GLIS3: variants seen among roughly 807,000 people sequenced by gnomAD.
GLIS3 encodes the protein zinc finger protein GLIS3.
GLIS3 carries 53 observed loss-of-function variants against 78.6 expected under a neutral mutation model. That is an observed-to-expected ratio of 0.67 (90% CI 0.54 to 0.85). The LOEUF is 0.85. Ranked by LOEUF, GLIS3 falls within the 40% of genes least tolerant of loss-of-function variation. The probability of loss-of-function intolerance (pLI) is 0.00; values close to 1 mark genes in which losing one functional copy is unlikely to be tolerated. For missense variants in GLIS3, 1,703 were observed against 1,231.1 expected (o/e 1.38, Z -5.74); for synonymous variants, 684 against 509.9 (o/e 1.34, Z -4.60).
chr9:4,088,340 C>T (rs1388207497), intron 4 of GLIS3, among the ~76,000 whole-genome samples: 1 of 152,142 alleles, frequency 6.6e-6, no homozygotes, highest in East Asian at 1.9e-4. Flanking sequence ...TATGCTTAGG[C>T]TAATAATTAT....
intron 2 of GLIS3, among the ~76,000 whole-genome samples, chr9:4,274,140 T>C (rs1008780510): frequency 1.3e-5 from 2 of 152,136 alleles, no homozygotes; most frequent in East Asian, 1.9e-4. Context: ...AAGGTCACCA[T>C]AGTGGTAAAG....
At chr9:3,958,159 A>G (rs10974260) in intron 4 of GLIS3, among the ~76,000 whole-genome samples, 22,363 of 152,114 alleles carry the variant, frequency 0.15, 1,960 homozygotes, top group East Asian at 0.37. Context: ...TGCCATACAC[A>G]ACTACCAAGC....
chr9:3,982,037 G>C (rs1190866211), intron 4 of GLIS3, among the ~76,000 whole-genome samples: 1 of 152,084 alleles, frequency 6.6e-6, no homozygotes, highest in African/African-American at 2.4e-5. Context: ...GGATTGGCCT[G>C]TCTAATTCCA....
At chr9:4,425,034 G>A in the GLIS3 span, among the ~76,000 whole-genome samples, 1 of 152,010 alleles carries the variant, frequency 6.6e-6, no homozygotes, top group Non-Finnish European at 1.5e-5. Context: ...CTTCCTCTGT[G>A]CTGGCATATG....
At chr9:4,230,705 T>C (rs1446880101) in intron 2 of GLIS3, among the ~76,000 whole-genome samples, 1 of 152,060 alleles carries the variant, frequency 6.6e-6, no homozygotes, top group African/African-American at 2.4e-5. Context: ...AAAGTAACTG[T>C]GAAACTACAA....
At position 4,032,949 on chromosome 9, in the gene GLIS3, G is replaced by A. The variant is rs1355540747; in HGVS notation, c.1710+84819C>T. 2.6e-5 allele frequency among the ~76,000 whole-genome samples: 4 copies of A among 152,116 alleles called. No homozygotes were observed. In the South Asian group the frequency reaches 8.3e-4, roughly 32 times the overall value. Reference sequence around the variant, plus strand: ...GCTCACTGCAAGCTCCGCCTCCCGGGTTCACACCATTCTGCTGCCTCAGCC... The same window carrying A: ...GCTCACTGCAAGCTCCGCCTCCCGGATTCACACCATTCTGCTGCCTCAGCC... On this transcript the variant is annotated intron_variant, in intron 4 of 10. Transcript: ENST00000381971.
chr9:3,867,318 A>G (rs564512807), intron 8 of GLIS3, among the ~76,000 whole-genome samples: 1 of 152,352 alleles, frequency 6.6e-6, no homozygotes, highest in African/African-American at 2.4e-5. Flanking sequence ...GAAAGCAACC[A>G]ATGTCATCTA....
chr9:4,345,330 C>T (rs1171042378), intron 2 of GLIS3, among the ~76,000 whole-genome samples: 1 of 152,206 alleles, frequency 6.6e-6, no homozygotes, highest in Non-Finnish European at 1.5e-5. Flanking sequence ...AATGACCCCA[C>T]TTAATCCCTC....
chr9:4,102,694 T>C (rs79482703), intron 4 of GLIS3, among the ~76,000 whole-genome samples: 2,173 of 152,296 alleles, frequency 0.014, 27 homozygotes, highest in African/African-American at 0.018. Flanking sequence ...TATATCTTAC[T>C]AGAGAATATA....
chr9:4,118,101 T>A lies in GLIS3; in HGVS notation c.1377A>T (p.Pro459=). The change falls in exon 4 of 11, where the codon CCA becomes CCT. Residue 459 remains proline (P), a synonymous_variant. Transcript: ENST00000381971. This position sits in a 1 kb window ranked among gnomAD's most constrained non-coding sequence, Gnocchi z 4.7. ...LPPLPPPPGP[P]PPYHAHAHLH... is the part of the protein sequence containing the mutation. ...GGTGCGCATGGGCATGGTAAGGGGG[T>A]GGGGGGCCTGGGGGCGGCGGCAGAG... is the stretch of plus-strand genomic sequence containing the variant. 3.1e-6 allele frequency: 3 copies of A among 962,298 alleles called. No homozygotes were observed. Among genetic ancestry groups the A allele is most frequent in the Non-Finnish European group, 2.9e-6 (2 of 684,634 alleles). 59.6% of individuals were successfully genotyped at this position (962,298 alleles called of 1,614,324 possible). A position where few individuals can be genotyped will look rare whatever the true frequency, so the allele number is the denominator to read the frequency against.
At chr9:4,123,435 G>A (rs999464075) in intron 3 of GLIS3, among the ~76,000 whole-genome samples, 1 of 152,004 alleles carries the variant, frequency 6.6e-6, no homozygotes, top group Admixed American at 6.6e-5. Flanking sequence ...CTAATAATCA[G>A]AATTGTGCAA....
In GLIS3 at chr9:3,915,504, A is replaced by C. The variant is rs12349512; in HGVS notation, c.1984-16669T>G. 2.0e-3 allele frequency among the ~76,000 whole-genome samples: 298 copies of C among 152,250 alleles called. 2 individuals are homozygous for C. The highest frequency in any genetic ancestry group is 7.0e-3 in the African/African-American group (289 of 41,550). On this transcript the variant is annotated intron_variant, in intron 6 of 10. Transcript: ENST00000381971. ...CAGGAACAGGTATTATCAGCCTTGC[A>C]TGTTGTCCTCTAAGTTAGAGGACTG...
chr9:3,828,378 A>G lies in GLIS3; in HGVS notation c.2687T>C (p.Leu896Pro), dbSNP rs548436324. The part of the protein sequence containing the change: ...VYDLPSSSSS[L>P]FGESLRSGAE... ...CCCGCTGCGGAGAGACTCCCCAAAG[A>G]GGCTCGAGGAACTTGAAGGTAAATC... is the stretch of plus-strand genomic sequence containing the variant. The change falls in exon 11 of 11, where the codon CTC becomes CCC. Residue 896 changes from leucine to proline, a missense_variant. Leu to Pro is a moderately conservative substitution (Grantham distance 98). Transcript: ENST00000381971. The G allele has an allele frequency of 6.2e-7, 1 of 1,613,654 alleles. No individual in the cohort carries two copies. The highest frequency in any genetic ancestry group is 1.3e-5 in the African/African-American group (1 of 75,044).
At chr9:4,212,798 G>C (rs1419129662) in intron 2 of GLIS3, among the ~76,000 whole-genome samples, 1 of 152,204 alleles carries the variant, frequency 6.6e-6, no homozygotes, top group East Asian at 1.9e-4. Context: ...ATGAGTAGAA[G>C]AGAAGTTTCA....
chr9:4,415,130 C>T, the GLIS3 span, among the ~76,000 whole-genome samples: 1 of 152,110 alleles, frequency 6.6e-6, no homozygotes, highest in Admixed American at 6.5e-5. Flanking sequence ...CTCATCTATC[C>T]AGGAGACCTC....
Position 4,216,243 on chromosome 9 carries a change from T to C in GLIS3, c.388+69795A>G, listed in dbSNP as rs1010488363. ...ATCCCAGCACTTTGGGAGGCCGAGG[T>C]GGGCAGATCATGAGGTCAGGAAATC... On this transcript the variant is annotated intron_variant, in intron 2 of 10. Coordinates refer to ENST00000381971, the MANE Select transcript of GLIS3 (RefSeq NM_001042413.2). Among the ~76,000 whole-genome samples, 24 of 151,694 alleles carry C rather than the reference T, an allele frequency of 1.6e-4. No homozygotes were observed. The East Asian group carries it at 1.8e-3, about 11-fold the overall frequency.
intron 4 of GLIS3, among the ~76,000 whole-genome samples, chr9:4,025,126 C>A (rs1428655285): frequency 2.0e-5 from 3 of 152,052 alleles, no homozygotes; most frequent in Non-Finnish European, 4.4e-5. Context: ...GTGGTGCACA[C>A]CTGTAATCCT....
chr9:4,265,709 C>CAA (rs1825936865), intron 2 of GLIS3, among the ~76,000 whole-genome samples: 1 of 152,074 alleles, frequency 6.6e-6, no homozygotes, highest in Non-Finnish European at 1.5e-5. Flanking sequence ...ACACAGAGAC[C>CAA]AAGTGTCATG....
At chr9:4,162,465 G>A (rs766826163) in intron 2 of GLIS3, among the ~76,000 whole-genome samples, 22 of 152,128 alleles carry the variant, frequency 1.4e-4, no homozygotes, top group Non-Finnish European at 2.2e-4. Context: ...AATTACCCAA[G>A]CAAGAACAAT....
Sources: allele counts gnomAD v4.1 joint callset (sites outside exome capture counted in the v4.1 genomes callset), GRCh38; gene constraint gnomAD v4.1.1; non-coding constraint Gnocchi (gnomAD v3.1); transcripts MANE v1.5; gene names NCBI Gene and HGNC (gene_info 2026-07-23, HGNC 2026-07-21).